PIGG: variants seen among roughly 807,000 people sequenced by gnomAD.
PIGG encodes phosphatidylinositol glycan anchor biosynthesis class G (EMM blood group), also known as GPI ethanolamine phosphate transferase 2, catalytic subunit.
PIGG carries 70 observed loss-of-function variants against 83.2 expected under a neutral mutation model. The ratio of observed to expected loss-of-function variants is 0.84; its 90% CI spans 0.69 to 1.03. The LOEUF (loss-of-function observed/expected upper bound fraction) is 1.03, where lower values mean the gene tolerates loss of function less well. Ranked by LOEUF, PIGG falls within the 50% of genes least tolerant of loss-of-function variation. PIGG has a pLI of 0.00. For missense variants in PIGG, 1,257 were observed against 1,233.6 expected (o/e 1.02, Z -0.28); for synonymous variants, 532 against 519.5 (o/e 1.02, Z -0.33).
At chr4:522,036 G>GT in intron 8 of PIGG, 95 bp downstream of exon 8, 5 of 1,353,384 alleles carry the variant, frequency 3.7e-6, no homozygotes, top group Non-Finnish European at 5.2e-6. Context: ...GACTCTGGTT[G>GT]AACACCTGGT....
In PIGG at chr4:539,391, A is replaced by G; in HGVS notation, c.*22A>G. On this transcript the variant is annotated 3_prime_UTR_variant, in exon 13 of 13. Coordinates refer to ENST00000453061, the MANE Select transcript of PIGG (RefSeq NM_001127178.3). ...TTAGACTAAGCTGAACACTGGAAAA[A>G]TAATACATGCTTAAAGTCTGCTGTT... 2 of 1,367,382 alleles carry G rather than the reference A, an allele frequency of 1.5e-6. No individual in the cohort carries two copies. The highest frequency in any genetic ancestry group is 2.1e-6 in the Non-Finnish European group (2 of 964,302). The allele number at this position is 1,367,382 out of a possible 1,614,324, so 84.7% of individuals were successfully genotyped here. A position where few individuals can be genotyped will look rare whatever the true frequency, so the allele number is the denominator to read the frequency against.
At position 539,466 on chromosome 4, in the gene PIGG, TTGAC is replaced by T. The variant is rs1189274303; in HGVS notation, c.*100_*103del. ...CAACAAAGTTGATGGATAACTTTCT[TTGAC>T]TGCTCTACCTGAATTTAGACTAAGC... is the stretch of plus-strand genomic sequence containing the variant. On this transcript the variant is annotated 3_prime_UTR_variant, in exon 13 of 13. Coordinates refer to ENST00000453061, the MANE Select transcript of PIGG (RefSeq NM_001127178.3). 4.6e-5 allele frequency: 32 copies of T among 702,868 alleles called. No individual in the cohort carries two copies. Among genetic ancestry groups the T allele is most frequent in the Non-Finnish European group, 3.4e-5 (14 of 411,802 alleles). The allele number at this position is 702,868 out of a possible 1,614,324, so 43.5% of individuals were successfully genotyped here. A position where few individuals can be genotyped will look rare whatever the true frequency, so the allele number is the denominator to read the frequency against.
chr4:517,223 T>C (rs1724213960), intron 6 of PIGG, among the ~76,000 whole-genome samples: 1 of 152,134 alleles, frequency 6.6e-6, no homozygotes, highest in Non-Finnish European at 1.5e-5. Flanking sequence ...TGCTTTGTGC[T>C]GTAGGAGGAG....
intron 10 of PIGG, among the ~76,000 whole-genome samples, chr4:529,120 C>T (rs114903194): frequency 2.4e-4 from 37 of 152,258 alleles, no homozygotes; most frequent in East Asian, 1.4e-3. Context: ...AGACTCTGCC[C>T]GGCCAGGGGA....
chr4:534,501 G>A lies in PIGG; in HGVS notation c.2735+520G>A, dbSNP rs553238928. On this transcript the variant is annotated intron_variant, in intron 12 of 12. Transcript: ENST00000453061. Reference sequence around the variant, plus strand: ...AGGGGCATGTCCCTTCCACACATAAGCTGATTTGGGTTGGAAAAACAGGGT... The same window carrying A: ...AGGGGCATGTCCCTTCCACACATAAACTGATTTGGGTTGGAAAAACAGGGT... 1.5e-4 allele frequency among the ~76,000 whole-genome samples: 23 copies of A among 152,306 alleles called. No individual in the cohort carries two copies. The South Asian group carries it at 2.3e-3, about 15-fold the overall frequency.
At position 521,678 on chromosome 4, in the gene PIGG, C is replaced by T; in HGVS notation, c.1351C>T (p.Leu451Phe). Residue 451 changes from leucine to phenylalanine, a missense_variant, in exon 8 of 13, where the codon CTC (leucine) becomes TTC (phenylalanine). Coordinates refer to ENST00000453061, the MANE Select transcript of PIGG (RefSeq NM_001127178.3). ...VVLEVLTLLL[L>F]SVPQALRRKA... ...GTTCCAGGTTCTCACCCTGCTCCTG[C>T]TCAGCGTCCCACAGGCACTGCGCAG... The T allele has an allele frequency of 6.2e-7, 1 of 1,614,116 alleles. No homozygotes were observed. The highest frequency in any genetic ancestry group is 1.1e-5 in the South Asian group (1 of 91,086).
intron 12 of PIGG, among the ~76,000 whole-genome samples, chr4:535,799 C>T (rs1730433870): frequency 6.6e-6 from 1 of 152,180 alleles, no homozygotes; most frequent in Non-Finnish European, 1.5e-5. Flanking sequence ...GCCTCCTTCA[C>T]CAGGTCATCC....
chr4:507,547 A>C lies in PIGG; in HGVS notation c.713A>C (p.Glu238Ala). 3 of 1,613,906 alleles carry C rather than the reference A, an allele frequency of 1.9e-6. No individual in the cohort carries two copies. Among genetic ancestry groups the C allele is most frequent in the Non-Finnish European group, 2.5e-6 (3 of 1,179,966 alleles). Reference sequence around the variant, plus strand: ...CCCCTGATTGGGCAGAAGCTGAGCGAGATGGACAGCGTGCTGATGAAGATC... The same window carrying C: ...CCCCTGATTGGGCAGAAGCTGAGCGCGATGGACAGCGTGCTGATGAAGATC... Reference protein sequence around the residue: ...NSPLIGQKLSEMDSVLMKIHT... With the variant: ...NSPLIGQKLSAMDSVLMKIHT... Residue 238 changes from glutamate to alanine, a missense_variant, in exon 4 of 13, where the codon GAG (glutamate) becomes GCG (alanine). Coordinates refer to ENST00000453061, the MANE Select transcript of PIGG (RefSeq NM_001127178.3).
intron 9 of PIGG, chr4:525,688 T>C (rs1727382518): frequency 6.6e-6 from 1 of 152,280 alleles, no homozygotes; most frequent in Non-Finnish European, 1.5e-5. Flanking sequence ...TAAGTAATTC[T>C]TGTGGGAGGC....
chr4:513,636 G>C (rs1214447893), intron 5 of PIGG, among the ~76,000 whole-genome samples: 1 of 152,158 alleles, frequency 6.6e-6, no homozygotes, highest in Non-Finnish European at 1.5e-5. Flanking sequence ...ATCATTTGTG[G>C]ATTGAATGTT....
chr4:527,168 C>T lies in PIGG; in HGVS notation c.2199C>T (p.Cys733=), dbSNP rs1470325028. The change falls in exon 10 of 13, where the codon TGC becomes TGT. Residue 733 remains cysteine (C), a synonymous_variant. Transcript: ENST00000453061. ...CGCTGGGGCTGCTGGGCGTCTACTG[C>T]TACCGGGCGGCCATCGGGAGTGTCC... is the stretch of plus-strand genomic sequence containing the variant. ...ALALGLLGVY[C]YRAAIGSVRF... is the part of the protein sequence containing the mutation. The T allele has an allele frequency of 6.2e-7, 1 of 1,613,610 alleles. No homozygotes were observed. The highest frequency in any genetic ancestry group is 1.3e-5 in the African/African-American group (1 of 74,918).
chr4:499,303 G>A lies in PIGG; in HGVS notation c.-33G>A. 1 of 1,598,736 alleles carries A rather than the reference G, an allele frequency of 6.3e-7. No homozygotes were observed. On this transcript the variant is annotated 5_prime_UTR_variant, in exon 1 of 13. Transcript: ENST00000453061. ...TGCAGCAGGGCGAGGCTCCAGGTGG[G>A]GTCGGTTCCGCATCCAGCCTAGCGT...
chr4:523,497 C>A lies in PIGG; in HGVS notation c.1653C>A (p.Asp551Glu), dbSNP rs1310788118. The A allele has an allele frequency of 6.2e-7, 1 of 1,613,998 alleles. No individual in the cohort carries two copies. The highest frequency in any genetic ancestry group is 8.5e-7 in the Non-Finnish European group (1 of 1,179,940). The change falls in exon 9 of 13, where the codon GAC (aspartate) becomes GAA (glutamate). Residue 551 changes from aspartate to glutamate, a missense_variant. Transcript: ENST00000453061. ...CCAGCTCAAGGTGGTCAGAGCTAGA[C>A]CTTCTTATTCTGTTGGGGACGGCGG... ...MHPSSRWSELDLLILLGTAGH... is the reference protein window; with the variant it reads ...MHPSSRWSELELLILLGTAGH...
At chr4:537,570 C>T (rs61690042) in intron 12 of PIGG, among the ~76,000 whole-genome samples, 99 of 152,244 alleles carry the variant, frequency 6.5e-4, no homozygotes, top group African/African-American at 2.0e-3. Flanking sequence ...GTGGGGTCCC[C>T]GGCCTGTGGG....
rs112764712 is a variant in PIGG at position 523,472 on chromosome 4, C to G, written c.1628C>G (p.Pro543Arg). 5.3e-4 allele frequency: 854 copies of G among 1,606,150 alleles called. 6 individuals carry two copies. The African/African-American group carries it at 7.7e-3, about 15-fold the overall frequency. Residue 543 changes from proline (P) to arginine (R), a missense_variant, in exon 9 of 13, where the codon CCC becomes CGC. Physicochemically the swap from Pro to Arg is moderately radical, Grantham distance 103 (BLOSUM62 -2). Transcript: ENST00000453061. Reference sequence around the variant, plus strand: ...TCCTTTTCACAGAACCCCATGCATCCCAGCTCAAGGTGGTCAGAGCTAGAC... The same window carrying G: ...TCCTTTTCACAGAACCCCATGCATCGCAGCTCAAGGTGGTCAGAGCTAGAC... Reference protein sequence around the residue: ...GNTPRKNPMHPSSRWSELDLL... With the variant: ...GNTPRKNPMHRSSRWSELDLL...
In PIGG at chr4:500,560, G is replaced by T; in HGVS notation, c.319G>T (p.Ala107Ser). ...AAAAGGAGCATCTCACAGTTTTGTGGCTGAAGCAAAGCCACCTACAGTTAC... is the reference window on the plus strand; with the variant it reads ...AAAAGGAGCATCTCACAGTTTTGTGTCTGAAGCAAAGCCACCTACAGTTAC... ...VEKGASHSFV[A>S]EAKPPTVTMP... Residue 107 changes from alanine (A) to serine (S), a missense_variant, in exon 2 of 13, where the codon GCT becomes TCT. Coordinates refer to ENST00000453061, the MANE Select transcript of PIGG (RefSeq NM_001127178.3). The T allele has an allele frequency of 1.2e-6, 2 of 1,613,644 alleles. No individual in the cohort carries two copies. The highest frequency in any genetic ancestry group is 2.2e-5 in the East Asian group (1 of 44,890).
intron 6 of PIGG, among the ~76,000 whole-genome samples, chr4:520,135 G>A (rs1725324803): frequency 6.6e-6 from 1 of 152,240 alleles, no homozygotes; most frequent in Admixed American, 6.5e-5. Flanking sequence ...TGTGATAGCA[G>A]GCCTGGGGCA....
chr4:507,606 G>A lies in PIGG; in HGVS notation c.759+13G>A, dbSNP rs201035016. 2,669 of 1,599,146 alleles carry A rather than the reference G, an allele frequency of 1.7e-3. 4 individuals carry two copies. The highest frequency in any genetic ancestry group is 3.0e-3 in the Middle Eastern group (15 of 4,920). The stretch of plus-strand genomic sequence containing the variant: ...ACTGCAGTCGAAGGTGAGGCTCGCC[G>A]TCGCTCACTGTCTGCTGATGTGGTT... On this transcript the variant is annotated intron_variant, in intron 4 of 12. Coordinates refer to ENST00000453061, the MANE Select transcript of PIGG (RefSeq NM_001127178.3).
intron 12 of PIGG, among the ~76,000 whole-genome samples, chr4:535,420 C>CGT: frequency 6.6e-6 from 1 of 152,250 alleles, no homozygotes; most frequent in African/African-American, 2.4e-5. Flanking sequence ...GTGCTGAAAC[C>CGT]GCGCACCGCG....
Sources: gnomAD v4.1 joint callset for allele counts (sites outside exome capture counted in the v4.1 genomes callset) on GRCh38, gnomAD v4.1.1 for gene constraint, MANE v1.5 for transcripts, NCBI Gene and HGNC (gene_info 2026-07-23, HGNC 2026-07-21) for gene names.